The following RELN variants were observed in gnomAD, a reference collection of about 807,000 sequenced individuals.
RELN encodes the protein reelin.
A neutral mutation model predicts 427.6 loss-of-function variants in RELN; 108 were observed. That is an observed-to-expected ratio of 0.25 (90% confidence interval 0.22 to 0.30). The LOEUF (loss-of-function observed/expected upper bound fraction) is 0.30. Among genes scored for constraint, RELN ranks in the 10% least tolerant of loss-of-function variants. The pLI, the probability that RELN is intolerant of heterozygous loss-of-function variation, is 1.00. For missense variants in RELN, 3,715 were observed against 4,302.8 expected, an observed-to-expected ratio of 0.86 and a Z score of 3.82; for synonymous variants, 1,524 against 1,513.4, an observed-to-expected ratio of 1.01 and a Z score of -0.16.
At chr7:103,520,801 T>C (rs75024649) in intron 48 of RELN, among the ~76,000 whole-genome samples, 111 of 152,198 alleles carry the variant, frequency 7.3e-4, no homozygotes, top group African/African-American at 2.6e-3. Flanking sequence ...CACTGCAGTC[T>C]TTCTCAGTGT....
chr7:103,636,129 A>G (rs1221125510), intron 18 of RELN, 106 bp downstream of exon 18: 1 of 839,840 alleles, frequency 1.2e-6, no homozygotes, highest in Admixed American at 2.0e-5. Flanking sequence ...CCTAGTTAAA[A>G]ATGAGATGTC....
Position 103,920,577 on chromosome 7 carries a change from TTG to T in RELN, c.227-3394_227-3393del, listed in dbSNP as rs1554442423. Among the ~76,000 whole-genome samples the T allele has an allele frequency of 3.4e-3, 383 of 111,948 alleles. 3 individuals are homozygous for T. Among genetic ancestry groups the T allele is most frequent in the African/African-American group, 0.016 (361 of 22,598 alleles). The allele number at this position is 111,948 out of a possible 152,430, so 73.4% of individuals were successfully genotyped here. On this transcript the variant is annotated intron_variant, in intron 1 of 64. Coordinates refer to ENST00000428762, the MANE Select transcript of RELN (RefSeq NM_005045.4). ...TTGTACCAGTCTTTGGTTTTTTTTT[TTG>T]TTTTTTTTTTTTTTGAGAGAGTCTC...
intron 1 of RELN, among the ~76,000 whole-genome samples, chr7:103,970,615 A>C (rs746964670): frequency 4.6e-5 from 7 of 152,232 alleles, no homozygotes; most frequent in Non-Finnish European, 7.3e-5. Context: ...CAATCCATTC[A>C]AGCATAAGTT....
At chr7:103,564,096 A>G (rs1830694989) in intron 34 of RELN, among the ~76,000 whole-genome samples, 1 of 152,226 alleles carries the variant, frequency 6.6e-6, no homozygotes, top group Non-Finnish European at 1.5e-5. Context: ...CAGAGTGCTT[A>G]AAACACAGTA....
At chr7:103,600,244 T>A (rs1831632749) in intron 24 of RELN, among the ~76,000 whole-genome samples, 1 of 152,170 alleles carries the variant, frequency 6.6e-6, no homozygotes, top group South Asian at 2.1e-4. Flanking sequence ...GCAAATGGTC[T>A]AAGGAGCCCT....
At chr7:103,785,624 A>G (rs1484003293) in intron 3 of RELN, among the ~76,000 whole-genome samples, 1 of 152,130 alleles carries the variant, frequency 6.6e-6, no homozygotes, top group Non-Finnish European at 1.5e-5. Flanking sequence ...TAAGGTTCAA[A>G]CAGCAGATCT....
Position 103,483,697 on chromosome 7 carries a change from T to C in RELN, c.10137A>G (p.Pro3379=). ...CTCTCTGAGCTTGTGTGAAGTCCTT[T>C]GGCTGGTGCTGGGCGATGACATGCC... ...ITWHVIAQHQ[P]KDFTQAQRVS... Residue 3379 remains proline, a synonymous_variant, in exon 62 of 65, where the codon CCA becomes CCG. Coordinates refer to ENST00000428762, the MANE Select transcript of RELN (RefSeq NM_005045.4). 6.2e-7 allele frequency: 1 copy of C among 1,614,176 alleles called. No individual in the cohort carries two copies. The highest frequency in any genetic ancestry group is 8.5e-7 in the Non-Finnish European group (1 of 1,180,016).
At chr7:103,479,490 G>A (rs1253561131) in intron 63 of RELN, among the ~76,000 whole-genome samples, 1 of 152,026 alleles carries the variant, frequency 6.6e-6, no homozygotes, top group African/African-American at 2.4e-5. Flanking sequence ...TCTGTTATAC[G>A]GCAGATTAGC....
intron 6 of RELN, among the ~76,000 whole-genome samples, chr7:103,729,014 G>A (rs533333339): frequency 3.3e-4 from 51 of 152,246 alleles, no homozygotes; most frequent in South Asian, 1.0e-3. Flanking sequence ...CTATCTAGCA[G>A]AGATTGAAGG....
chr7:103,711,359 C>T (rs1789793129), intron 8 of RELN, among the ~76,000 whole-genome samples: 1 of 152,192 alleles, frequency 6.6e-6, no homozygotes, highest in Non-Finnish European at 1.5e-5. Flanking sequence ...AGACCCACCT[C>T]TGTACAGAGC....
Position 103,711,731 on chromosome 7 carries a change from A to G in RELN, c.806-10725T>C, listed in dbSNP as rs549245783. Among the ~76,000 whole-genome samples the G allele has an allele frequency of 1.5e-3, 236 of 152,260 alleles. 5 individuals are homozygous for G. The South Asian group carries it at 0.047, about 30-fold the overall frequency. ...GAGTGCAGTGGTATGATCACAGCTC[A>G]CTGCAGGCTCAACCTCCTGGGCTCA... On this transcript the variant is annotated intron_variant, in intron 8 of 64. Transcript: ENST00000428762.
chr7:103,783,364 G>A (rs996592243), intron 3 of RELN, among the ~76,000 whole-genome samples: 1 of 151,942 alleles, frequency 6.6e-6, no homozygotes, highest in African/African-American at 2.4e-5. Flanking sequence ...ATAAAAAAGA[G>A]AAATGAATAG....
At chr7:103,928,764 G>A (rs765466556) in intron 1 of RELN, among the ~76,000 whole-genome samples, 11 of 152,234 alleles carry the variant, frequency 7.2e-5, no homozygotes, top group Admixed American at 2.6e-4. Context: ...TCTAACTGAC[G>A]AGGACTGAAA....
At chr7:103,517,727 A>T (rs1015038546) in intron 49 of RELN, among the ~76,000 whole-genome samples, 2 of 152,196 alleles carry the variant, frequency 1.3e-5, no homozygotes, top group Non-Finnish European at 2.9e-5. Context: ...GTCCAACTTT[A>T]ATGCAAGTGG....
At chr7:103,512,868 G>A (rs894137120) in intron 50 of RELN, 4 of 152,210 alleles carry the variant, frequency 2.6e-5, no homozygotes, top group South Asian at 2.1e-4. Context: ...AAGCAGCACA[G>A]TTGATGCCTC....
intron 17 of RELN, among the ~76,000 whole-genome samples, chr7:103,637,235 T>C (rs1434337312): frequency 2.0e-5 from 3 of 152,238 alleles, no homozygotes. Context: ...AGATTATTCA[T>C]CAGGAAATAG....
chr7:103,629,497 C>T (rs1832403422), intron 20 of RELN, among the ~76,000 whole-genome samples: 1 of 152,104 alleles, frequency 6.6e-6, no homozygotes, highest in Admixed American at 6.6e-5. Flanking sequence ...TATAAGAGAG[C>T]ATGAAAACAG....
chr7:103,546,033 T>C (rs1375847066), intron 41 of RELN, among the ~76,000 whole-genome samples: 1 of 152,204 alleles, frequency 6.6e-6, no homozygotes, highest in Non-Finnish European at 1.5e-5. Flanking sequence ...CCATTTAAAG[T>C]GTACACATCA....
intron 3 of RELN, among the ~76,000 whole-genome samples, chr7:103,829,427 T>C (rs1163506217): frequency 6.6e-6 from 1 of 151,862 alleles, no homozygotes; most frequent in Non-Finnish European, 1.5e-5. Flanking sequence ...CTCTTTTAAC[T>C]TGAGACTTAC....
Sources: allele counts gnomAD v4.1 joint callset (sites outside exome capture counted in the v4.1 genomes callset), GRCh38; gene constraint gnomAD v4.1.1; transcripts MANE v1.5; gene names NCBI Gene and HGNC (gene_info 2026-07-23, HGNC 2026-07-21).